Variants in TMEM178B observed in about 807,000 individuals in gnomAD.
The protein encoded by TMEM178B is transmembrane protein 178B.
Under a neutral mutation model 31.0 loss-of-function variants are expected in TMEM178B, and 5 were observed. The observed-to-expected ratio is 0.16, with a 90% confidence interval of 0.08 to 0.34. The LOEUF is 0.34. Ranked by LOEUF, TMEM178B falls within the 10% of genes least tolerant of loss-of-function variation. TMEM178B has a pLI of 1.00. For synonymous variants in TMEM178B, 164 were observed against 164.0 expected (o/e 1.00, Z 0.00); for missense variants, 275 against 400.3 (o/e 0.69, Z 2.67).
At chr7:141,129,039 G>A (rs534864739) in intron 1 of TMEM178B, among the ~76,000 whole-genome samples, 2 of 152,286 alleles carry the variant, frequency 1.3e-5, no homozygotes, top group East Asian at 1.9e-4. Flanking sequence ...GTGAAATCCT[G>A]CAAGACCCTG....
intron 2 of TMEM178B, among the ~76,000 whole-genome samples, chr7:141,270,844 A>G (rs1586861930): frequency 6.6e-6 from 1 of 152,322 alleles, no homozygotes; most frequent in East Asian, 1.9e-4. Flanking sequence ...TGCTTAGCCC[A>G]GGTGTGTAAG....
intron 1 of TMEM178B, among the ~76,000 whole-genome samples, chr7:141,139,309 T>C (rs1210511908): frequency 1.3e-5 from 2 of 152,244 alleles, no homozygotes. Context: ...CAAATGTGTT[T>C]ACGAGACTTA....
intron 2 of TMEM178B, among the ~76,000 whole-genome samples, chr7:141,359,529 A>G (rs1226881135): frequency 2.0e-5 from 3 of 152,226 alleles, no homozygotes; most frequent in East Asian, 1.9e-4. Context: ...ATGATAAGCT[A>G]TTCTTACAAG....
At chr7:141,316,116 G>A (rs918169526) in intron 2 of TMEM178B, among the ~76,000 whole-genome samples, 2 of 152,106 alleles carry the variant, frequency 1.3e-5, no homozygotes, top group African/African-American at 4.8e-5. Context: ...GAAGGAAGTA[G>A]CAATACTGCA....
At chr7:141,458,310 G>A (rs1230059144) in intron 3 of TMEM178B, among the ~76,000 whole-genome samples, 1 of 152,126 alleles carries the variant, frequency 6.6e-6, no homozygotes, top group Admixed American at 6.5e-5. Context: ...AGTAGAGACT[G>A]GTTGAGATAT....
chr7:141,256,020 C>G (rs913518522), intron 2 of TMEM178B, among the ~76,000 whole-genome samples: 2 of 151,184 alleles, frequency 1.3e-5, no homozygotes, highest in Non-Finnish European at 3.0e-5. Context: ...TCATCCATCC[C>G]TCCATCCTTC....
chr7:141,393,750 A>G (rs1800588005), intron 2 of TMEM178B, among the ~76,000 whole-genome samples: 1 of 152,222 alleles, frequency 6.6e-6, no homozygotes, highest in South Asian at 2.1e-4. Flanking sequence ...ATCACAGATC[A>G]TACCCTTGCT....
At chr7:141,415,861 G>A (rs1801086476) in intron 2 of TMEM178B, 1 of 152,278 alleles carries the variant, frequency 6.6e-6, no homozygotes, top group Non-Finnish European at 1.5e-5. Flanking sequence ...AGAAGCCCAG[G>A]AGAAAGATTG....
intron 2 of TMEM178B, among the ~76,000 whole-genome samples, chr7:141,385,076 C>A (rs538118735): frequency 3.3e-5 from 5 of 152,298 alleles, no homozygotes; most frequent in African/African-American, 9.6e-5. Flanking sequence ...CCAAAACATT[C>A]TTCGCTCCAA....
At chr7:141,123,362 G>C (rs768697695) in intron 1 of TMEM178B, among the ~76,000 whole-genome samples, 1 of 152,208 alleles carries the variant, frequency 6.6e-6, no homozygotes, top group Non-Finnish European at 1.5e-5. Context: ...TGAGGTCTGC[G>C]TGGCTTTCCA....
intron 2 of TMEM178B, among the ~76,000 whole-genome samples, chr7:141,218,196 G>T (rs1435505104): frequency 6.6e-6 from 1 of 152,054 alleles, no homozygotes; most frequent in Non-Finnish European, 1.5e-5. Context: ...CAGCATTGGG[G>T]GTCCTCGCCT....
chr7:141,186,840 G>C (rs1368654541), intron 1 of TMEM178B, among the ~76,000 whole-genome samples: 1 of 152,170 alleles, frequency 6.6e-6, no homozygotes, highest in Admixed American at 6.5e-5. Flanking sequence ...GTGTCTTAGG[G>C]GTCACCTGGT....
At chr7:141,270,524 G>T (rs1563137241) in intron 2 of TMEM178B, among the ~76,000 whole-genome samples, 1 of 152,116 alleles carries the variant, frequency 6.6e-6, no homozygotes, top group South Asian at 2.1e-4. Context: ...ATTATTTCTG[G>T]TTGTGAAATG....
chr7:141,301,645 T>G (rs1798728136), intron 2 of TMEM178B, among the ~76,000 whole-genome samples: 1 of 152,138 alleles, frequency 6.6e-6, no homozygotes, highest in Non-Finnish European at 1.5e-5. Flanking sequence ...AAGAGCAGTG[T>G]TTCGTAGGTG....
chr7:141,194,442 G>A (rs562034726), intron 1 of TMEM178B, among the ~76,000 whole-genome samples: 16 of 152,144 alleles, frequency 1.1e-4, no homozygotes, highest in Non-Finnish European at 2.2e-4. Flanking sequence ...ATCCAGCAGG[G>A]CAGTCAAATG....
rs775965757 is a variant in TMEM178B at position 141,472,165 on chromosome 7, C to G, written c.*1379C>G. 4.6e-5 allele frequency: 7 copies of G among 152,162 alleles called. No individual in the cohort carries two copies. Among genetic ancestry groups the G allele is most frequent in the Non-Finnish European group, 8.8e-5 (6 of 68,038 alleles). 9.4% of individuals were successfully genotyped at this position (152,162 alleles called of 1,614,324 possible). Reference sequence around the variant, plus strand: ...CTTTGTCACTGGACATCTCCCCTTTCCCTAGGGGTGACCTCTGTACAAACG... The same window carrying G: ...CTTTGTCACTGGACATCTCCCCTTTGCCTAGGGGTGACCTCTGTACAAACG... On this transcript the variant is annotated 3_prime_UTR_variant, in exon 4 of 4. Coordinates refer to ENST00000565468, the MANE Select transcript of TMEM178B (RefSeq NM_001195278.2).
intron 1 of TMEM178B, among the ~76,000 whole-genome samples, chr7:141,163,145 C>G (rs1188300198): frequency 6.6e-6 from 1 of 152,192 alleles, no homozygotes; most frequent in African/African-American, 2.4e-5. Flanking sequence ...ATTCATGCAT[C>G]TCTAGGTTGA....
intron 1 of TMEM178B, among the ~76,000 whole-genome samples, chr7:141,103,936 G>A (rs1795099163): frequency 6.6e-6 from 1 of 152,148 alleles, no homozygotes. Context: ...CAATTCCTCT[G>A]CATAATCACT....
chr7:141,241,023 A>G (rs1230302306), intron 2 of TMEM178B, among the ~76,000 whole-genome samples: 1 of 147,664 alleles, frequency 6.8e-6, no homozygotes, highest in Non-Finnish European at 1.5e-5. Context: ...AATTTATTTC[A>G]TAGCTTTTGG....
Sources: gnomAD v4.1 joint callset for allele counts (sites outside exome capture counted in the v4.1 genomes callset) on GRCh38, gnomAD v4.1.1 for gene constraint, MANE v1.5 for transcripts, NCBI Gene and HGNC (gene_info 2026-07-23, HGNC 2026-07-21) for gene names.